Variants in OPRK1 observed in about 807,000 individuals in gnomAD.
OPRK1 encodes opioid receptor kappa 1.
OPRK1 carries 15 observed loss-of-function variants against 24.5 expected under a neutral mutation model. The ratio of observed to expected loss-of-function variants is 0.61; its 90% CI spans 0.41 to 0.94. The LOEUF (loss-of-function observed/expected upper bound fraction) is 0.94, where lower values mean the gene tolerates loss of function less well. OPRK1 is among the 40% of genes least tolerant of loss of function. The pLI is 0.00. For synonymous variants in OPRK1, 205 were observed against 198.0 expected (o/e 1.04, Z -0.30); for missense variants, 479 against 507.3 (o/e 0.94, Z 0.54).
rs1807370548 is a variant in OPRK1, at chr8:53,250,919, C to A, written c.119G>T (p.Gly40Val). 2 of 1,612,222 alleles carry A rather than the reference C, an allele frequency of 1.2e-6. No individual in the cohort carries two copies. The highest frequency in any genetic ancestry group is 2.2e-5 in the East Asian group (1 of 44,816). Residue 40 changes from glycine (G) to valine (V), a missense_variant, in exon 2 of 4, where the codon GGC becomes GTC. Gly to Val is a moderately radical substitution (Grantham distance 109, BLOSUM62 -3). Transcript: ENST00000265572. The stretch of plus-strand genomic sequence containing the variant: ...CTGCGCGTCCTCCGAGCCGGCGCTG[C>A]CGTTGCTGTCGGGCTCGGCCCAGCC... ...FPGWAEPDSN[G>V]SAGSEDAQLE...
intron 3 of OPRK1, among the ~76,000 whole-genome samples, chr8:53,233,058 G>A (rs946215318): frequency 6.6e-6 from 1 of 152,208 alleles, no homozygotes. Flanking sequence ...ATATGATAAA[G>A]TTGGGCATTT....
intron 2 of OPRK1, among the ~76,000 whole-genome samples, chr8:53,245,342 G>T (rs1807204805): frequency 6.6e-6 from 1 of 152,208 alleles, no homozygotes; most frequent in Non-Finnish European, 1.5e-5. Flanking sequence ...GCTATGTGAA[G>T]TTACAGGGAG....
At position 53,250,838 on chromosome 8, in the gene OPRK1, G is replaced by C. The variant is rs1302822559; in HGVS notation, c.200C>G (p.Ser67Cys). 1 of 1,613,420 alleles carries C rather than the reference G, an allele frequency of 6.2e-7. No homozygotes were observed. The highest frequency in any genetic ancestry group is 8.5e-7 in the Non-Finnish European group (1 of 1,179,744). Residue 67 changes from serine (S) to cysteine (C), a missense_variant, in exon 2 of 4, where the codon TCC (serine) becomes TGC (cysteine). Ser to Cys is a moderately radical substitution (Grantham distance 112). Coordinates refer to ENST00000265572, the MANE Select transcript of OPRK1 (RefSeq NM_000912.5). ...CACCAAGCCCACGACGAACACTACG[G>C]AGTAGACCGCCGTGATGATGACCGG... ...AIPVIITAVYSVVFVVGLVGN... is the reference protein window; with the variant it reads ...AIPVIITAVYCVVFVVGLVGN...
At chr8:53,246,619 C>T (rs904864373) in intron 2 of OPRK1, among the ~76,000 whole-genome samples, 4 of 152,040 alleles carry the variant, frequency 2.6e-5, no homozygotes, top group South Asian at 4.1e-4. Flanking sequence ...AGCTTCAAAA[C>T]CAAGGAGAAG....
rs1274571614 is a variant in OPRK1 at position 53,229,469 on chromosome 8, C to T, written c.971G>A (p.Ser324Asn). The T allele has an allele frequency of 1.2e-6, 2 of 1,614,068 alleles. No homozygotes were observed. Among genetic ancestry groups the T allele is most frequent in the Non-Finnish European group, 1.7e-6 (2 of 1,180,048 alleles). ...AAAGGCGTAGAGAATGGGATTCAGG[C>T]TACTGTTGGTATAGCCTAAGGCGAT... ...FCIALGYTNS[S>N]LNPILYAFLD... is the part of the protein sequence containing the mutation. Residue 324 changes from serine to asparagine, a missense_variant, in exon 4 of 4, where the codon AGC becomes AAC. Ser to Asn is a conservative substitution (Grantham distance 46). Coordinates refer to ENST00000265572, the MANE Select transcript of OPRK1 (RefSeq NM_000912.5).
rs16918853 is a variant in OPRK1, at chr8:53,228,229, C to A, written c.*1068G>T. 117 of 152,152 alleles carry A rather than the reference C, an allele frequency of 7.7e-4. No homozygotes were observed. The highest frequency in any genetic ancestry group is 2.8e-3 in the African/African-American group (116 of 41,466). The allele number at this position is 152,152 out of a possible 1,614,324, so 9.4% of individuals were successfully genotyped here. A position where few individuals can be genotyped will look rare whatever the true frequency, so the allele number is the denominator to read the frequency against. Reference sequence around the variant, plus strand: ...TCCTCTCCGTGAATAGAGAGATCTGCGAATCGCTATATGTTCATAAAGAGA... The same window carrying A: ...TCCTCTCCGTGAATAGAGAGATCTGAGAATCGCTATATGTTCATAAAGAGA... On this transcript the variant is annotated 3_prime_UTR_variant, in exon 4 of 4. Coordinates refer to ENST00000265572, the MANE Select transcript of OPRK1 (RefSeq NM_000912.5).
At chr8:53,230,179 C>A (rs551190574) in intron 3 of OPRK1, among the ~76,000 whole-genome samples, 1 of 151,946 alleles carries the variant, frequency 6.6e-6, no homozygotes, top group East Asian at 1.9e-4. Flanking sequence ...GTACTTATTT[C>A]TATTTCCATT....
At position 53,235,091 on chromosome 8, in the gene OPRK1, G is replaced by A. The variant is rs747760401; in HGVS notation, c.278C>T (p.Ala93Val). ...CAGGTTAAATATGTAAATGTTGGTTGCTGTCTTCATCTTTGTGTATCTAAA... is the reference window on the plus strand; with the variant it reads ...CAGGTTAAATATGTAAATGTTGGTTACTGTCTTCATCTTTGTGTATCTAAA... ...VIIRYTKMKT[A>V]TNIYIFNLAL... The change falls in exon 3 of 4, where the codon GCA becomes GTA. Residue 93 changes from alanine (A) to valine (V), a missense_variant. Transcript: ENST00000265572. The A allele has an allele frequency of 3.1e-6, 5 of 1,613,734 alleles. No individual in the cohort carries two copies. In the Admixed American group the frequency reaches 5.0e-5, roughly 16 times the overall value.
At chr8:53,241,276 A>G (rs1807111191) in intron 2 of OPRK1, among the ~76,000 whole-genome samples, 1 of 152,172 alleles carries the variant, frequency 6.6e-6, no homozygotes, top group African/African-American at 2.4e-5. Flanking sequence ...TAAAAACATA[A>G]TGAGTGTTTC....
In OPRK1 at chr8:53,235,084, G is replaced by A. The variant is rs201627705; in HGVS notation, c.285C>T (p.Asn95=). ...IRYTKMKTAT[N]IYIFNLALAD... is the part of the protein sequence containing the mutation. ...CCAAAGCCAGGTTAAATATGTAAATGTTGGTTGCTGTCTTCATCTTTGTGT... is the reference window on the plus strand; with the variant it reads ...CCAAAGCCAGGTTAAATATGTAAATATTGGTTGCTGTCTTCATCTTTGTGT... Residue 95 remains asparagine, a synonymous_variant, in exon 3 of 4, where the codon AAC becomes AAT. Coordinates refer to ENST00000265572, the MANE Select transcript of OPRK1 (RefSeq NM_000912.5). 7.6e-5 allele frequency: 122 copies of A among 1,613,924 alleles called. No homozygotes were observed. In the East Asian group the frequency reaches 1.0e-3, roughly 14 times the overall value.
intron 2 of OPRK1, among the ~76,000 whole-genome samples, chr8:53,249,582 T>C (rs1807318946): frequency 6.6e-6 from 1 of 152,172 alleles, no homozygotes; most frequent in Non-Finnish European, 1.5e-5. Flanking sequence ...TAAATGATGG[T>C]TTTTAATGTC....
chr8:53,229,141 G>T lies in OPRK1; in HGVS notation c.*156C>A, dbSNP rs938456669. 1.2e-6 allele frequency: 1 copy of T among 812,700 alleles called. No individual in the cohort carries two copies. The highest frequency in any genetic ancestry group is 1.9e-6 in the Non-Finnish European group (1 of 534,520). The allele number at this position is 812,700 out of a possible 1,614,324, so 50.3% of individuals were successfully genotyped here. A position where few individuals can be genotyped will look rare whatever the true frequency, so the allele number is the denominator to read the frequency against. On this transcript the variant is annotated 3_prime_UTR_variant, in exon 4 of 4. Coordinates refer to ENST00000265572, the MANE Select transcript of OPRK1 (RefSeq NM_000912.5). Reference sequence around the variant, plus strand: ...CTTGATGTTTCCACTGATCACGAACGTGGTCTGCATCTGATGACTTCAGAC... The same window carrying T: ...CTTGATGTTTCCACTGATCACGAACTTGGTCTGCATCTGATGACTTCAGAC...
intron 1 of OPRK1, 129 bp from the exon 2 acceptor site, chr8:53,251,214 G>T: frequency 1.9e-6 from 2 of 1,040,460 alleles, no homozygotes; most frequent in East Asian, 3.1e-5. Context: ...AGGACAGGGA[G>T]AACGGACTTC....
chr8:53,237,141 C>A (rs548932506), intron 2 of OPRK1, among the ~76,000 whole-genome samples: 2 of 152,160 alleles, frequency 1.3e-5, no homozygotes, highest in African/African-American at 4.8e-5. Context: ...TCCCTTCTTA[C>A]GTGAGTGGAA....
intron 2 of OPRK1, among the ~76,000 whole-genome samples, chr8:53,244,931 A>G (rs528435393): frequency 6.6e-6 from 1 of 152,154 alleles, no homozygotes; most frequent in Non-Finnish European, 1.5e-5. Flanking sequence ...AAATCCATGG[A>G]TGCTCCAGTC....
Position 53,229,255 on chromosome 8 carries a change from C to T in OPRK1, c.*42G>A, listed in dbSNP as rs1806790539. ...GAGTTAAACCTAGATCATTGAACTC[C>T]TCTCTTCCCGAAGAACTGTACGAAG... On this transcript the variant is annotated 3_prime_UTR_variant, in exon 4 of 4. Transcript: ENST00000265572. The T allele has an allele frequency of 1.9e-6, 3 of 1,576,078 alleles. No homozygotes were observed. In the South Asian group the frequency reaches 3.6e-5, roughly 19 times the overall value.
Position 53,227,184 on chromosome 8 carries a change from G to A in OPRK1, c.*2113C>T, listed in dbSNP as rs1253741494. Reference sequence around the variant, plus strand: ...GAGGCAGGAGAATCGCTTGAACCCAGGAGGTGGAGGTTGCAGTGAGCCAAG... The same window carrying A: ...GAGGCAGGAGAATCGCTTGAACCCAAGAGGTGGAGGTTGCAGTGAGCCAAG... On this transcript the variant is annotated 3_prime_UTR_variant, in exon 4 of 4. Coordinates refer to ENST00000265572, the MANE Select transcript of OPRK1 (RefSeq NM_000912.5). 1 of 151,784 alleles carries A rather than the reference G, an allele frequency of 6.6e-6. No individual in the cohort carries two copies. Among genetic ancestry groups the A allele is most frequent in the East Asian group, 1.9e-4 (1 of 5,180 alleles). 9.4% of individuals were successfully genotyped at this position (151,784 alleles called of 1,614,324 possible). A position where few individuals can be genotyped will look rare whatever the true frequency, so the allele number is the denominator to read the frequency against.
chr8:53,234,620 TC>T, intron 3 of OPRK1, 138 bp downstream of exon 3: 2 of 691,090 alleles, frequency 2.9e-6, no homozygotes, highest in Non-Finnish European at 4.8e-6. Context: ...CTTCTCATCT[TC>T]CATGGATTTA....
At chr8:53,246,317 A>G (rs1442109706) in intron 2 of OPRK1, among the ~76,000 whole-genome samples, 1 of 152,176 alleles carries the variant, frequency 6.6e-6, no homozygotes, top group Non-Finnish European at 1.5e-5. Context: ...TTGGTGAAGG[A>G]GCATCAGGGG....
Sources: allele counts gnomAD v4.1 joint callset (sites outside exome capture counted in the v4.1 genomes callset), GRCh38; gene constraint gnomAD v4.1.1; transcripts MANE v1.5; gene names NCBI Gene and HGNC (gene_info 2026-07-23, HGNC 2026-07-21).